DHRSX: variants seen among roughly 807,000 people sequenced by gnomAD.
The protein encoded by DHRSX is dehydrogenase/reductase X-linked.
In DHRSX, 31 loss-of-function variants were observed where a neutral mutation model predicts 34.0. That is an observed-to-expected ratio of 0.91 (90% CI 0.69 to 1.23). The LOEUF (loss-of-function observed/expected upper bound fraction) is 1.23, where lower values mean the gene tolerates loss of function less well. DHRSX is among the 50% of genes most tolerant of loss of function. The probability of loss-of-function intolerance (pLI) is 0.00; values close to 1 mark genes in which losing one functional copy is unlikely to be tolerated. For synonymous variants in DHRSX, 201 were observed against 183.8 expected, an observed-to-expected ratio of 1.09 and a Z score of -0.76; for missense variants, 414 against 428.1, an observed-to-expected ratio of 0.97 and a Z score of 0.29.
At chrX:2,429,864 G>GA (rs201820553) in intron 1 of DHRSX, among the ~76,000 whole-genome samples, 2 of 151,866 alleles carry the variant, frequency 1.3e-5, no homozygotes, top group South Asian at 2.1e-4. Context: ...GGTATGCCAG[G>GA]AAAAAACTAA....
At chrX:2,421,215 C>T (rs972624060) in intron 2 of DHRSX, among the ~76,000 whole-genome samples, 3 of 152,032 alleles carry the variant, frequency 2.0e-5, no homozygotes, top group African/African-American at 7.2e-5. Flanking sequence ...CCCATCTCTA[C>T]TAAAACTACA....
chrX:2,284,576 CAGA>C (rs1274899900), intron 4 of DHRSX, among the ~76,000 whole-genome samples: 1 of 152,138 alleles, frequency 6.6e-6, no homozygotes, highest in Non-Finnish European at 1.5e-5. Context: ...TTCATTATCT[CAGA>C]AAGAAATTCA....
chrX:2,492,168 A>T (rs1014740728), intron 1 of DHRSX, among the ~76,000 whole-genome samples: 6 of 152,222 alleles, frequency 3.9e-5, no homozygotes, highest in African/African-American at 1.4e-4. Context: ...GTACTTGTGT[A>T]TGGGACCTTG....
chrX:2,296,051 C>A (rs963512501), intron 3 of DHRSX, among the ~76,000 whole-genome samples: 3 of 152,114 alleles, frequency 2.0e-5, no homozygotes, highest in African/African-American at 7.2e-5. Flanking sequence ...TTCCTGAACC[C>A]CAAGCCACGC....
intron 3 of DHRSX, among the ~76,000 whole-genome samples, chrX:2,379,147 A>G (rs553164595): frequency 4.6e-4 from 69 of 151,640 alleles, no homozygotes; most frequent in African/African-American, 1.6e-3. Context: ...GAAGAGTTAC[A>G]CAAGGTCTTC....
At chrX:2,395,390 G>A (rs2043397054) in intron 3 of DHRSX, among the ~76,000 whole-genome samples, 1 of 152,146 alleles carries the variant, frequency 6.6e-6, no homozygotes, top group Non-Finnish European at 1.5e-5. Context: ...ACCACAAAGG[G>A]GGCTTGTACT....
intron 1 of DHRSX, among the ~76,000 whole-genome samples, chrX:2,495,672 T>C (rs2045266158): frequency 6.6e-6 from 1 of 152,112 alleles, no homozygotes; most frequent in South Asian, 2.1e-4. Flanking sequence ...TCCTCCTCCC[T>C]TGCAGCGCTT....
chrX:2,318,221 G>A (rs1217894434), intron 3 of DHRSX, among the ~76,000 whole-genome samples: 1 of 150,016 alleles, frequency 6.7e-6, no homozygotes, highest in East Asian at 2.0e-4. Context: ...GCAGCTGGGT[G>A]TGGTGATGGT....
chrX:2,297,970 G>T (rs1004574910), intron 3 of DHRSX, among the ~76,000 whole-genome samples: 13 of 152,142 alleles, frequency 8.5e-5, no homozygotes, highest in African/African-American at 3.1e-4. Context: ...TGGCCGGGCT[G>T]GTCTCAAACT....
At chrX:2,361,205 G>A (rs1039157275) in intron 3 of DHRSX, among the ~76,000 whole-genome samples, 1 of 152,060 alleles carries the variant, frequency 6.6e-6, no homozygotes, top group African/African-American at 2.4e-5. Context: ...CCACCTCCCG[G>A]GTTCAAGCGA....
chrX:2,234,747 G>A (rs2015974660), intron 6 of DHRSX, among the ~76,000 whole-genome samples: 1 of 152,154 alleles, frequency 6.6e-6, no homozygotes, highest in Non-Finnish European at 1.5e-5. Flanking sequence ...GTCTCACTCT[G>A]TTGCCCAGGC....
rs543207419 is a variant in DHRSX at position 2,450,085 on chromosome X, T to C, written c.110-24781A>G. ...AGCCCCCAGTGTTAGATCTGAATTG[T>C]TTCTCCACCCAGGACAAATAAGTGC... is the stretch of plus-strand genomic sequence containing the variant. On this transcript the variant is annotated intron_variant, in intron 1 of 6. Transcript: ENST00000334651. Among the ~76,000 whole-genome samples the C allele has an allele frequency of 4.9e-4, 74 of 152,012 alleles. No homozygotes were observed. The South Asian group carries it at 0.015, about 30-fold the overall frequency.
At chrX:2,381,414 C>T (rs1329445980) in intron 3 of DHRSX, among the ~76,000 whole-genome samples, 2 of 152,012 alleles carry the variant, frequency 1.3e-5, no homozygotes, top group African/African-American at 4.8e-5. Context: ...GACTTCTAGC[C>T]TCCAGAAGTG....
chrX:2,445,882 G>A (rs775838410), intron 1 of DHRSX, among the ~76,000 whole-genome samples: 58 of 151,222 alleles, frequency 3.8e-4, no homozygotes, highest in African/African-American at 1.4e-3. Context: ...ACTCCGCCAT[G>A]TACACACTGA....
At chrX:2,486,874 T>C (rs935410934) in intron 1 of DHRSX, 5 of 152,242 alleles carry the variant, frequency 3.3e-5, no homozygotes, top group African/African-American at 1.2e-4. Flanking sequence ...TCTGTGCTGC[T>C]TGCAGCCCTG....
rs184932893 is a variant in DHRSX, at chrX:2,229,637, G to A, written c.805-8408C>T. On this transcript the variant is annotated intron_variant, in intron 6 of 6. Coordinates refer to ENST00000334651, the MANE Select transcript of DHRSX (RefSeq NM_145177.3). ...GTGTACTTGTGGGTAGATGTGTATTGTATGATTGTATGTGCATGTCTGTAT... is the reference window on the plus strand; with the variant it reads ...GTGTACTTGTGGGTAGATGTGTATTATATGATTGTATGTGCATGTCTGTAT... 1.4e-4 allele frequency among the ~76,000 whole-genome samples: 22 copies of A among 152,024 alleles called. No individual in the cohort carries two copies. In the East Asian group the frequency reaches 3.9e-3, roughly 27 times the overall value.
chrX:2,490,380 C>A, intron 1 of DHRSX: 1 of 1,613,696 alleles, frequency 6.2e-7, no homozygotes, highest in Non-Finnish European at 8.5e-7. Flanking sequence ...CCGTGGCCGG[C>A]CTTGACGGCC....
At chrX:2,470,648 T>C (rs5983007) in intron 1 of DHRSX, among the ~76,000 whole-genome samples, 104,404 of 151,840 alleles carry the variant, frequency 0.69, 37,555 homozygotes, top group African/African-American at 0.91. Context: ...TGGAGGCTGC[T>C]GAGAGCTATG....
intron 3 of DHRSX, among the ~76,000 whole-genome samples, chrX:2,400,515 G>A (rs1400628574): frequency 1.3e-5 from 2 of 152,134 alleles, no homozygotes; most frequent in African/African-American, 4.8e-5. Flanking sequence ...ATGTGTCACA[G>A]GTGAGCCTGT....
Sources: allele counts gnomAD v4.1 joint callset (sites outside exome capture counted in the v4.1 genomes callset), GRCh38; gene constraint gnomAD v4.1.1; transcripts MANE v1.5; gene names NCBI Gene and HGNC (gene_info 2026-07-23, HGNC 2026-07-21).